The following FUT8 variants were observed in gnomAD, a reference collection of about 807,000 sequenced individuals.
FUT8 encodes the protein alpha-(1,6)-fucosyltransferase.
A neutral mutation model predicts 71.3 loss-of-function variants in FUT8; 29 were observed. That is an observed-to-expected ratio of 0.41 (90% CI 0.30 to 0.55). FUT8 has a LOEUF of 0.55. Among genes scored for constraint, FUT8 ranks in the 20% least tolerant of loss-of-function variants. The pLI is 0.34. For missense variants in FUT8, 544 were observed against 702.1 expected (o/e 0.77, Z 2.55); for synonymous variants, 254 against 239.3 (o/e 1.06, Z -0.57).
chr14:65,528,015 C>T (rs1487279783), intron 2 of FUT8, among the ~76,000 whole-genome samples: 1 of 152,172 alleles, frequency 6.6e-6, no homozygotes, highest in Non-Finnish European at 1.5e-5. Context: ...CTTGAGGAGG[C>T]AGTGTGTCCG....
At chr14:65,633,169 C>G (rs1890302312) in intron 6 of FUT8, among the ~76,000 whole-genome samples, 1 of 152,170 alleles carries the variant, frequency 6.6e-6, no homozygotes, top group African/African-American at 2.4e-5. Flanking sequence ...CAGGCGCGCG[C>G]CGCCACGCCT....
intron 7 of FUT8, among the ~76,000 whole-genome samples, chr14:65,681,260 GA>G: frequency 6.6e-6 from 1 of 152,200 alleles, no homozygotes; most frequent in East Asian, 1.9e-4. Context: ...AATGGTCCTT[GA>G]AAAATTTTAA....
intron 2 of FUT8, among the ~76,000 whole-genome samples, chr14:65,538,043 C>T (rs1324100390): frequency 1.3e-5 from 2 of 152,122 alleles, no homozygotes; most frequent in Non-Finnish European, 2.9e-5. Flanking sequence ...TGCAGGCATT[C>T]GGAGCAGTGA....
At chr14:65,558,242 G>A (rs1407259278) in intron 2 of FUT8, among the ~76,000 whole-genome samples, 2 of 148,026 alleles carry the variant, frequency 1.4e-5, no homozygotes, top group Admixed American at 1.4e-4. Flanking sequence ...TGAGACAAGA[G>A]AATCTCTTGA....
intron 2 of FUT8, among the ~76,000 whole-genome samples, chr14:65,457,197 T>C (rs1464271996): frequency 6.6e-6 from 1 of 152,188 alleles, no homozygotes; most frequent in Non-Finnish European, 1.5e-5. Context: ...TATTTTTTAC[T>C]AATAGAAATT....
At chr14:65,739,645 GGT>G (rs1185648955) in intron 10 of FUT8, among the ~76,000 whole-genome samples, 1 of 151,936 alleles carries the variant, frequency 6.6e-6, no homozygotes, top group Non-Finnish European at 1.5e-5. Context: ...CTGAAGAGTG[GGT>G]GAAGACACCC....
At chr14:65,474,212 T>C (rs2066194192) in intron 2 of FUT8, among the ~76,000 whole-genome samples, 1 of 151,846 alleles carries the variant, frequency 6.6e-6, no homozygotes, top group African/African-American at 2.4e-5. Context: ...ACTTTGGTGA[T>C]GGGTGTAGTA....
intron 3 of FUT8, among the ~76,000 whole-genome samples, chr14:65,613,045 AG>A (rs1378301198): frequency 1.2e-4 from 17 of 143,444 alleles, no homozygotes; most frequent in Non-Finnish European, 4.5e-5. Context: ...TTTCTTTTCC[AG>A]TTTTTTTTTT....
intron 6 of FUT8, among the ~76,000 whole-genome samples, chr14:65,635,295 G>A (rs567786398): frequency 7.4e-4 from 112 of 152,178 alleles, no homozygotes; most frequent in Non-Finnish European, 9.7e-4. Flanking sequence ...AAACAGTGAC[G>A]GTTTGACTTC....
chr14:65,591,478 C>T (rs928023031), intron 3 of FUT8, among the ~76,000 whole-genome samples: 1 of 152,124 alleles, frequency 6.6e-6, no homozygotes, highest in African/African-American at 2.4e-5. Flanking sequence ...CCAAGTCTTT[C>T]TTTGAAAGGA....
chr14:65,582,780 G>A (rs559315495), intron 3 of FUT8, among the ~76,000 whole-genome samples: 32 of 152,110 alleles, frequency 2.1e-4, no homozygotes, highest in Non-Finnish European at 4.1e-4. Context: ...AGAATCTGGC[G>A]TCTTTAATAA....
chr14:65,656,835 A>G (rs562047020), intron 6 of FUT8, among the ~76,000 whole-genome samples: 3 of 152,316 alleles, frequency 2.0e-5, no homozygotes, highest in African/African-American at 7.2e-5. Context: ...CAGGTGGAGA[A>G]CCCAGAAACA....
the FUT8 span, among the ~76,000 whole-genome samples, chr14:65,373,285 C>A: frequency 2.9e-3 from 435 of 151,370 alleles, 4 homozygotes; most frequent in East Asian, 0.024. Context: ...TGTTTTTGCA[C>A]CCAAATGTTG....
In FUT8 at chr14:65,742,407, A is replaced by G; in HGVS notation, c.1725A>G (p.Lys575=). The part of the protein sequence containing the change: ...VKYPTYPEAE[K] ...ACCCCACATATCCTGAGGCTGAGAA[A>G]TAAAGCTCAGATGGAAGAGATAAAC... Residue 575 remains lysine, a synonymous_variant, in exon 11 of 11, where the codon AAA becomes AAG. Transcript: ENST00000673929. 2 of 1,609,770 alleles carry G rather than the reference A, an allele frequency of 1.2e-6. No homozygotes were observed. The highest frequency in any genetic ancestry group is 2.2e-5 in the East Asian group (1 of 44,758).
the FUT8 span, among the ~76,000 whole-genome samples, chr14:65,369,201 A>G: frequency 2.0e-5 from 3 of 152,176 alleles, no homozygotes; most frequent in Non-Finnish European, 2.9e-5. The surrounding 1 kb of genome is among the most constrained non-coding windows in gnomAD (Gnocchi z 4.6). Flanking sequence ...GATTAGGTGA[A>G]TGGGCAGGAA....
At chr14:65,522,427 A>C (rs537906236) in intron 2 of FUT8, among the ~76,000 whole-genome samples, 4 of 152,236 alleles carry the variant, frequency 2.6e-5, no homozygotes, top group East Asian at 1.9e-4. Flanking sequence ...GTTCTATAAA[A>C]ATTTAATTCT....
chr14:65,642,598 G>C (rs1295867846), intron 6 of FUT8, among the ~76,000 whole-genome samples: 1 of 82,720 alleles, frequency 1.2e-5, no homozygotes. Flanking sequence ...GTGAGACTCC[G>C]TCTCAAAAAA....
At chr14:65,471,859 A>G (rs2139637430) in intron 2 of FUT8, among the ~76,000 whole-genome samples, 1 of 152,190 alleles carries the variant, frequency 6.6e-6, no homozygotes, top group South Asian at 2.1e-4. Flanking sequence ...TTTTGTAACT[A>G]GTCAAAAGAC....
the FUT8 span, among the ~76,000 whole-genome samples, chr14:65,388,427 A>G: frequency 6.6e-6 from 1 of 152,194 alleles, no homozygotes; most frequent in Non-Finnish European, 1.5e-5. Flanking sequence ...CCTAATAAGG[A>G]AAACTAATTG....
Sources: allele counts gnomAD v4.1 joint callset (sites outside exome capture counted in the v4.1 genomes callset), GRCh38; gene constraint gnomAD v4.1.1; non-coding constraint Gnocchi (gnomAD v3.1); transcripts MANE v1.5; gene names NCBI Gene and HGNC (gene_info 2026-07-23, HGNC 2026-07-21).